Variants in CD244 observed in about 807,000 individuals in gnomAD.
CD244 encodes the protein natural killer cell receptor 2B4.
In CD244, 20 loss-of-function variants were observed where a neutral mutation model predicts 45.5. The observed-to-expected ratio is 0.44, with a 90% CI of 0.31 to 0.64. CD244 has a LOEUF of 0.64. CD244 is among the 30% of genes least tolerant of loss of function. The pLI, the probability that CD244 is intolerant of heterozygous loss-of-function variation, is 0.08. For missense variants in CD244, 407 were observed against 426.9 expected (o/e 0.95, Z 0.41); for synonymous variants, 185 against 160.5 (o/e 1.15, Z -1.15).
chr1:160,841,252 G>A lies in CD244; in HGVS notation c.613C>T (p.His205Tyr). Residue 205 changes from histidine to tyrosine, a missense_variant, in exon 3 of 9, where the codon CAC (histidine) becomes TAC (tyrosine). By Grantham distance (83) the His-to-Tyr change is moderately conservative (BLOSUM62 2). Transcript: ENST00000368034. Reference sequence around the variant, plus strand: ...CAGTCCTGAGTGAGATTCAGGGTGTGGCTTTCCCAGCTAACAGGATTGCTG... The same window carrying A: ...CAGTCCTGAGTGAGATTCAGGGTGTAGCTTTCCCAGCTAACAGGATTGCTG... The part of the protein sequence containing the change: ...NVSNPVSWES[H>Y]TLNLTQDCQN... 6.2e-7 allele frequency: 1 copy of A among 1,614,182 alleles called. No individual in the cohort carries two copies. The highest frequency in any genetic ancestry group is 8.5e-7 in the Non-Finnish European group (1 of 1,180,010).
chr1:160,840,058 C>T (rs1418744249), intron 3 of CD244, among the ~76,000 whole-genome samples: 1 of 129,636 alleles, frequency 7.7e-6, no homozygotes, highest in African/African-American at 2.8e-5. Context: ...TATTATCACC[C>T]CCATTTTACT....
intron 6 of CD244, among the ~76,000 whole-genome samples, chr1:160,835,986 G>A (rs1054482531): frequency 6.6e-6 from 1 of 152,192 alleles, no homozygotes; most frequent in South Asian, 2.1e-4. Flanking sequence ...AAGAAGGAAT[G>A]TCCACATCAG....
intron 4 of CD244, 170 bp downstream of exon 4, chr1:160,838,769 G>C: frequency 3.2e-6 from 2 of 618,596 alleles, no homozygotes. Context: ...TGAACTGGGA[G>C]AGAGAGCCTA....
chr1:160,836,229 C>A lies in CD244; in HGVS notation c.860G>T (p.Gly287Val), dbSNP rs35224927. The A allele has an allele frequency of 2.3e-5, 37 of 1,613,824 alleles. No individual in the cohort carries two copies. In the African/African-American group the frequency reaches 2.8e-4, roughly 12 times the overall value. ...NHEQEQTFPG[G>V]GSTIYSMIQS... The stretch of plus-strand genomic sequence containing the variant: ...GATCATAGAGTAGATGGTGCTCCCC[C>A]CTCCAGGAAAAGTCTGCTCCTGCTC... The change falls in exon 6 of 9, where the codon GGG (glycine) becomes GTG (valine). Residue 287 changes from glycine (G) to valine (V), a missense_variant. Physicochemically the swap from Gly to Val is moderately radical, Grantham distance 109. Transcript: ENST00000368034.
At chr1:160,848,935 G>A (rs1453092617) in intron 1 of CD244, among the ~76,000 whole-genome samples, 1 of 152,214 alleles carries the variant, frequency 6.6e-6, no homozygotes, top group Non-Finnish European at 1.5e-5. Flanking sequence ...TTGAACCCAA[G>A]GAGGGGGTTG....
chr1:160,833,064 A>T (rs562809224), intron 7 of CD244, among the ~76,000 whole-genome samples: 1 of 152,090 alleles, frequency 6.6e-6, no homozygotes, highest in South Asian at 2.1e-4. Context: ...CACACCCTTA[A>T]TGTAAACAAT....
intron 7 of CD244, 144 bp downstream of exon 7, chr1:160,833,907 A>G: frequency 1.6e-6 from 1 of 614,600 alleles, no homozygotes; most frequent in East Asian, 2.9e-5. Flanking sequence ...TGACATTTAA[A>G]TACAGTCATT....
At chr1:160,862,318 T>C (rs1472955102) in intron 1 of CD244, among the ~76,000 whole-genome samples, 2 of 152,208 alleles carry the variant, frequency 1.3e-5, no homozygotes, top group South Asian at 2.1e-4. Flanking sequence ...TACAGGCGGC[T>C]GGAAGGAGGC....
intron 1 of CD244, among the ~76,000 whole-genome samples, chr1:160,859,743 C>CAAA (rs541327271): frequency 0.26 from 28,029 of 108,048 alleles, 3,052 homozygotes; most frequent in East Asian, 0.43. Context: ...CCTGTATCTA[C>CAAA]AAAAAAAAAA....
intron 1 of CD244, among the ~76,000 whole-genome samples, chr1:160,845,840 G>C (rs1235496332): frequency 1.4e-5 from 2 of 147,288 alleles, no homozygotes; most frequent in African/African-American, 5.0e-5. Flanking sequence ...TGGGCAACAA[G>C]AGTGAAACTC....
At position 160,841,756 on chromosome 1, in the gene CD244, C is replaced by A; in HGVS notation, c.207G>T (p.Trp69Cys). Residue 69 changes from tryptophan (W) to cysteine (C), a missense_variant, in exon 2 of 9, where the codon TGG (tryptophan) becomes TGT (cysteine). By Grantham distance (215) the Trp-to-Cys change is radical (BLOSUM62 -2). Transcript: ENST00000368034. ...SQNGFHHILK[W>C]ENGSLPSNTS... ...TATTGGAAGGCAAAGAGCCATTCTC[C>A]CACTTCAATATGTGATGAAATCCAT... 6.2e-7 allele frequency: 1 copy of A among 1,614,168 alleles called. No homozygotes were observed. Among genetic ancestry groups the A allele is most frequent in the East Asian group, 2.2e-5 (1 of 44,884 alleles).
At chr1:160,854,291 A>G (rs940565524) in intron 1 of CD244, among the ~76,000 whole-genome samples, 1 of 152,210 alleles carries the variant, frequency 6.6e-6, no homozygotes, top group Non-Finnish European at 1.5e-5. Flanking sequence ...ATCAGAATGT[A>G]GAGCGCTATG....
chr1:160,845,607 G>A (rs1251730701), intron 1 of CD244, among the ~76,000 whole-genome samples: 1 of 152,178 alleles, frequency 6.6e-6, no homozygotes. Context: ...TGTAATCCCA[G>A]CACTTTGGGA....
In CD244 at chr1:160,842,044, C is replaced by G. The variant is rs1669565215; in HGVS notation, c.62-143G>C. On this transcript the variant is annotated intron_variant, in intron 1 of 8. Transcript: ENST00000368034. ...AACCTAGGAGCACCTTAAAGCATAT[C>G]CCCTCCATCTGCCTCCCCTTGTCCC... 6.4e-6 allele frequency: 4 copies of G among 628,022 alleles called. No individual in the cohort carries two copies. The African/African-American group carries it at 7.3e-5, about 12-fold the overall frequency. 38.9% of individuals were successfully genotyped at this position (628,022 alleles called of 1,614,324 possible).
intron 1 of CD244, among the ~76,000 whole-genome samples, chr1:160,852,535 T>C (rs1283530394): frequency 6.6e-6 from 1 of 151,924 alleles, no homozygotes; most frequent in Non-Finnish European, 1.5e-5. Flanking sequence ...GGTGACAGAC[T>C]GAGACTTGGT....
intron 4 of CD244, 130 bp from the exon 5 acceptor site, chr1:160,838,648 C>A: frequency 2.8e-6 from 2 of 721,826 alleles, no homozygotes; most frequent in South Asian, 1.6e-5. Flanking sequence ...CAAGTTAATG[C>A]TCTTCCCAGG....
chr1:160,831,235 A>G lies in CD244; in HGVS notation c.*112T>C, dbSNP rs1006642650. On this transcript the variant is annotated 3_prime_UTR_variant, in exon 9 of 9. Coordinates refer to ENST00000368034, the MANE Select transcript of CD244 (RefSeq NM_016382.4). Reference sequence around the variant, plus strand: ...AAATATAGAACAAGAACAAATTTCCATATCCTCTCCAGACTAGGAACTGTT... The same window carrying G: ...AAATATAGAACAAGAACAAATTTCCGTATCCTCTCCAGACTAGGAACTGTT... The G allele has an allele frequency of 5.8e-5, 43 of 746,154 alleles. No homozygotes were observed. Among genetic ancestry groups the G allele is most frequent in the Middle Eastern group, 6.2e-4 (2 of 3,240 alleles). The allele number at this position is 746,154 out of a possible 1,614,324, so 46.2% of individuals were successfully genotyped here.
chr1:160,833,959 C>T (rs2101859007), intron 7 of CD244, 92 bp downstream of exon 7: 1 of 881,762 alleles, frequency 1.1e-6, no homozygotes, highest in Non-Finnish European at 1.9e-6. Flanking sequence ...GAACAACTTG[C>T]CAGGATGTGC....
chr1:160,850,294 G>A (rs913995987), intron 1 of CD244, among the ~76,000 whole-genome samples: 1 of 152,022 alleles, frequency 6.6e-6, no homozygotes, highest in Non-Finnish European at 1.5e-5. Context: ...TACACCTATT[G>A]CAACAAAAGA....
Sources: allele counts gnomAD v4.1 joint callset (sites outside exome capture counted in the v4.1 genomes callset), GRCh38; gene constraint gnomAD v4.1.1; transcripts MANE v1.5; gene names NCBI Gene and HGNC (gene_info 2026-07-23, HGNC 2026-07-21).